Variants in STAM2 observed in about 807,000 individuals in gnomAD.
STAM2 encodes the protein signal transducing adaptor molecule 2, also known as signal transducing adapter molecule 2.
A neutral mutation model predicts 65.6 loss-of-function variants in STAM2; 51 were observed. The observed-to-expected ratio is 0.78, with a 90% CI of 0.62 to 0.98. The LOEUF (loss-of-function observed/expected upper bound fraction) is 0.98. STAM2 is among the 50% of genes least tolerant of loss of function. The pLI is 0.00. For synonymous variants in STAM2, 198 were observed against 208.4 expected, an observed-to-expected ratio of 0.95 and a Z score of 0.43; for missense variants, 584 against 617.8, an observed-to-expected ratio of 0.95 and a Z score of 0.58.
At position 152,118,710 on chromosome 2, in the gene STAM2, A is replaced by G. The variant is rs951090443; in HGVS notation, c.*1864T>C. On this transcript the variant is annotated 3_prime_UTR_variant, in exon 14 of 14. Coordinates refer to ENST00000263904, the MANE Select transcript of STAM2 (RefSeq NM_005843.6). ...GAGAGCAGCTTTGGATTTTTTTTAA[A>G]TGTTTTTTAAAAATTATTATTTTGT... is the stretch of plus-strand genomic sequence containing the variant. 11 of 151,960 alleles carry G rather than the reference A, an allele frequency of 7.2e-5. No homozygotes were observed. In the South Asian group the frequency reaches 2.1e-3, roughly 29 times the overall value. The allele number at this position is 151,960 out of a possible 1,614,324, so 9.4% of individuals were successfully genotyped here. A position where few individuals can be genotyped will look rare whatever the true frequency, so the allele number is the denominator to read the frequency against.
rs1688795568 is a variant in STAM2 at position 152,118,635 on chromosome 2, G to A, written c.*1939C>T. ...AAATAAGTTTATTAAATAGAGTTTGGGAGAAAAAAAGTAAGAAATTCCATA... is the reference window on the plus strand; with the variant it reads ...AAATAAGTTTATTAAATAGAGTTTGAGAGAAAAAAAGTAAGAAATTCCATA... On this transcript the variant is annotated 3_prime_UTR_variant, in exon 14 of 14. Coordinates refer to ENST00000263904, the MANE Select transcript of STAM2 (RefSeq NM_005843.6). 1 of 151,210 alleles carries A rather than the reference G, an allele frequency of 6.6e-6. No individual in the cohort carries two copies. Among genetic ancestry groups the A allele is most frequent in the Non-Finnish European group, 1.5e-5 (1 of 67,756 alleles). 9.4% of individuals were successfully genotyped at this position (151,210 alleles called of 1,614,324 possible). A position where few individuals can be genotyped will look rare whatever the true frequency, so the allele number is the denominator to read the frequency against.
chr2:152,166,319 A>G (rs1436865308), intron 1 of STAM2, among the ~76,000 whole-genome samples: 2 of 152,244 alleles, frequency 1.3e-5, no homozygotes, highest in African/African-American at 4.8e-5. Flanking sequence ...GCAGGGGAAG[A>G]AGAGGAGTGG....
intron 1 of STAM2, among the ~76,000 whole-genome samples, chr2:152,173,122 A>C (rs1240004437): frequency 6.6e-6 from 1 of 151,168 alleles, no homozygotes; most frequent in African/African-American, 2.4e-5. Context: ...CTATTTACTC[A>C]TTTTGTGTCC....
intron 12 of STAM2, 158 bp from the exon 13 acceptor site, chr2:152,124,093 C>T: frequency 1.6e-6 from 1 of 616,288 alleles, no homozygotes; most frequent in Non-Finnish European, 2.7e-6. Context: ...AAGTGGAGAG[C>T]TGTCAAATCA....
rs946094870 is a variant in STAM2, at chr2:152,118,519, T to A, written c.*2055A>T. 6.6e-6 allele frequency: 1 copy of A among 150,762 alleles called. No homozygotes were observed. The highest frequency in any genetic ancestry group is 1.5e-5 in the Non-Finnish European group (1 of 67,676). 9.3% of individuals were successfully genotyped at this position (150,762 alleles called of 1,614,324 possible). A position where few individuals can be genotyped will look rare whatever the true frequency, so the allele number is the denominator to read the frequency against. On this transcript the variant is annotated 3_prime_UTR_variant, in exon 14 of 14. Coordinates refer to ENST00000263904, the MANE Select transcript of STAM2 (RefSeq NM_005843.6). ...TTTATAATGGCTGATCCCAATTTAG[T>A]GGGTGTGCAGTAATTATATTGGCTC...
In STAM2 at chr2:152,155,300, T is replaced by C. The variant is rs568695069; in HGVS notation, c.41-5071A>G. Among the ~76,000 whole-genome samples the C allele has an allele frequency of 2.6e-5, 4 of 152,342 alleles. No homozygotes were observed. The South Asian group carries it at 6.2e-4, about 24-fold the overall frequency. On this transcript the variant is annotated intron_variant, in intron 1 of 13. Coordinates refer to ENST00000263904, the MANE Select transcript of STAM2 (RefSeq NM_005843.6). ...GGGAAACAACAGCAGAGCTTTTGAG[T>C]ACACGAACTAAAAGGGCTTTAACTC... is the stretch of plus-strand genomic sequence containing the variant.
intron 12 of STAM2, 106 bp downstream of exon 12, chr2:152,126,120 T>C (rs1688960207): frequency 1.0e-6 from 1 of 975,494 alleles, no homozygotes; most frequent in Admixed American, 3.8e-5. Flanking sequence ...AATTTTATAA[T>C]TTTATTCACA....
rs1414797044 is a variant in STAM2 at position 152,138,500 on chromosome 2, C to T, written c.705-2897G>A. 2.0e-5 allele frequency among the ~76,000 whole-genome samples: 3 copies of T among 152,100 alleles called. No homozygotes were observed. In the East Asian group the frequency reaches 5.8e-4, roughly 29 times the overall value. On this transcript the variant is annotated intron_variant, in intron 7 of 13. Transcript: ENST00000263904. ...ATAGTTTATCCATCGGACTCTTGAACTTTCTATATGGAAAATCATAGTATC... is the reference window on the plus strand; with the variant it reads ...ATAGTTTATCCATCGGACTCTTGAATTTTCTATATGGAAAATCATAGTATC...
Position 152,131,264 on chromosome 2 carries a change from C to G in STAM2, c.1025+850G>C, listed in dbSNP as rs1457112909. On this transcript the variant is annotated intron_variant, in intron 11 of 13. Coordinates refer to ENST00000263904, the MANE Select transcript of STAM2 (RefSeq NM_005843.6). ...GGTCAGGAGTTCGAGACCAGCCTGGCCAACATGGTGAAACCCTGTTTCTAC... is the reference window on the plus strand; with the variant it reads ...GGTCAGGAGTTCGAGACCAGCCTGGGCAACATGGTGAAACCCTGTTTCTAC... Among the ~76,000 whole-genome samples, 4 of 152,006 alleles carry G rather than the reference C, an allele frequency of 2.6e-5. No individual in the cohort carries two copies. The East Asian group carries it at 7.7e-4, about 29-fold the overall frequency.
Position 152,144,967 on chromosome 2 carries a change from T to C in STAM2, c.448-10A>G, listed in dbSNP as rs762962460. On this transcript the variant is annotated splice_polypyrimidine_tract_variant and intron_variant, in intron 5 of 13. Coordinates refer to ENST00000263904, the MANE Select transcript of STAM2 (RefSeq NM_005843.6). ...CAGCAGCTGAGACAGTCTGTAAATG[T>C]ATGAGTAAAATGAACACAACTATCT... 1.9e-6 allele frequency: 3 copies of C among 1,607,786 alleles called. No homozygotes were observed. Among genetic ancestry groups the C allele is most frequent in the African/African-American group, 1.3e-5 (1 of 74,956 alleles).
At position 152,126,472 on chromosome 2, in the gene STAM2, T is replaced by C. The variant is rs965633355; in HGVS notation, c.1026-93A>G. 3 of 781,494 alleles carry C rather than the reference T, an allele frequency of 3.8e-6. No homozygotes were observed. The African/African-American group carries it at 5.4e-5, about 14-fold the overall frequency. The allele number at this position is 781,494 out of a possible 1,614,324, so 48.4% of individuals were successfully genotyped here. On this transcript the variant is annotated intron_variant, in intron 11 of 13. Transcript: ENST00000263904. ...TTTTTTAATTTAGCACAATTTCTAT[T>C]AATATATTAAAAGGCTTTTTTATAT...
At chr2:152,128,476 T>C (rs1016135087) in intron 11 of STAM2, among the ~76,000 whole-genome samples, 2 of 151,186 alleles carry the variant, frequency 1.3e-5, no homozygotes, top group African/African-American at 2.4e-5. Context: ...AGTGCCATGC[T>C]AACAAATGCA....
Position 152,120,409 on chromosome 2 carries a change from A to C in STAM2, c.*165T>G, listed in dbSNP as rs547605506. On this transcript the variant is annotated 3_prime_UTR_variant, in exon 14 of 14. Transcript: ENST00000263904. ...CAAACTGGACTGAAAAAAAAAAAAAAAAAAAACCTTTTATGGCCTTGTAGA... is the reference window on the plus strand; with the variant it reads ...CAAACTGGACTGAAAAAAAAAAAAACAAAAAACCTTTTATGGCCTTGTAGA... 38 of 579,442 alleles carry C rather than the reference A, an allele frequency of 6.6e-5. No homozygotes were observed. Among genetic ancestry groups the C allele is most frequent in the East Asian group, 2.7e-4 (9 of 33,834 alleles). 35.9% of individuals were successfully genotyped at this position (579,442 alleles called of 1,614,324 possible). A position where few individuals can be genotyped will look rare whatever the true frequency, so the allele number is the denominator to read the frequency against.
chr2:152,151,885 G>A (rs923457961), intron 1 of STAM2, among the ~76,000 whole-genome samples: 2 of 152,256 alleles, frequency 1.3e-5, no homozygotes, highest in Admixed American at 6.5e-5. Flanking sequence ...CCATTGTATA[G>A]ATATACCACA....
At chr2:152,161,670 T>C (rs1689681742) in intron 1 of STAM2, among the ~76,000 whole-genome samples, 1 of 152,182 alleles carries the variant, frequency 6.6e-6, no homozygotes, top group African/African-American at 2.4e-5. Context: ...TTTAGCATTT[T>C]ATAGTTAAAC....
intron 12 of STAM2, among the ~76,000 whole-genome samples, chr2:152,125,041 A>G (rs77790327): frequency 0.016 from 2,404 of 152,356 alleles, 55 homozygotes; most frequent in African/African-American, 0.055. Flanking sequence ...GGCAAAACGC[A>G]GTAAGTAGAA....
chr2:152,144,834 G>A, intron 6 of STAM2, 54 bp downstream of exon 6: 2 of 1,523,880 alleles, frequency 1.3e-6, no homozygotes, highest in East Asian at 2.3e-5. Flanking sequence ...ACCGCGCCCA[G>A]CCCTGGCAAA....
At chr2:152,133,903 C>A (rs941655087) in intron 8 of STAM2, among the ~76,000 whole-genome samples, 5 of 152,092 alleles carry the variant, frequency 3.3e-5, no homozygotes, top group Admixed American at 6.5e-5. Context: ...TAGCTAATTT[C>A]ATAGTTACAT....
chr2:152,149,684 G>C (rs1689406423), intron 2 of STAM2, among the ~76,000 whole-genome samples: 1 of 152,046 alleles, frequency 6.6e-6, no homozygotes, highest in Non-Finnish European at 1.5e-5. Flanking sequence ...TTCTAGTAGA[G>C]ATGGGGTTTC....
Sources: allele counts gnomAD v4.1 joint callset (sites outside exome capture counted in the v4.1 genomes callset), GRCh38; gene constraint gnomAD v4.1.1; transcripts MANE v1.5; gene names NCBI Gene and HGNC (gene_info 2026-07-23, HGNC 2026-07-21).